Variants in SYN3 observed in about 807,000 individuals in gnomAD.
SYN3 encodes synapsin III.
In SYN3, 35 loss-of-function variants were observed where a neutral mutation model predicts 65.8. That is an observed-to-expected ratio of 0.53 (90% CI 0.41 to 0.70). The LOEUF (loss-of-function observed/expected upper bound fraction) is 0.70, where lower values mean the gene tolerates loss of function less well. Ranked by LOEUF, SYN3 falls within the 30% of genes least tolerant of loss-of-function variation. The probability of loss-of-function intolerance (pLI) is 0.00; values close to 1 mark genes in which losing one functional copy is unlikely to be tolerated. For missense variants in SYN3, 680 were observed against 749.0 expected (o/e 0.91, Z 1.08); for synonymous variants, 270 against 292.9 (o/e 0.92, Z 0.80).
chr22:32,962,324 C>T (rs1401637077), intron 3 of SYN3, among the ~76,000 whole-genome samples: 3 of 151,830 alleles, frequency 2.0e-5, no homozygotes, highest in South Asian at 2.1e-4. Flanking sequence ...TTAATAGAGA[C>T]GGGGTTTCAC....
At chr22:32,759,566 T>C (rs942224359) in intron 6 of SYN3, among the ~76,000 whole-genome samples, 2 of 152,030 alleles carry the variant, frequency 1.3e-5, no homozygotes, top group Non-Finnish European at 2.9e-5. Context: ...GACCCTTGTC[T>C]TGACAGAGCT....
intron 1 of SYN3, 71 bp from the exon 2 acceptor site, chr22:33,006,895 T>C (rs2053213743): frequency 2.5e-6 from 1 of 403,102 alleles, no homozygotes; most frequent in African/African-American, 2.0e-5. Flanking sequence ...GATACAGCGC[T>C]TTCCTGCCCC....
chr22:32,813,741 C>T lies in SYN3; in HGVS notation c.711+51174G>A, dbSNP rs1277163221. Among the ~76,000 whole-genome samples the T allele has an allele frequency of 2.6e-5, 4 of 151,880 alleles. No individual in the cohort carries two copies. In the East Asian group the frequency reaches 7.7e-4, roughly 29 times the overall value. ...GAGCACAGGTTCTGGAGTTAGACCA[C>T]TTGGCTCAAACCTTGGCCTCGTTCA... On this transcript the variant is annotated intron_variant, in intron 6 of 13. Transcript: ENST00000358763.
chr22:32,572,287 C>CCTT (rs2058773680), intron 7 of SYN3, among the ~76,000 whole-genome samples: 1 of 99,812 alleles, frequency 1.0e-5, no homozygotes, highest in East Asian at 3.2e-4. Flanking sequence ...CCCTCCCTCC[C>CCTT]TCCTTCCTTC....
intron 6 of SYN3, among the ~76,000 whole-genome samples, chr22:32,645,350 C>G (rs1431814375): frequency 6.6e-6 from 1 of 151,572 alleles, no homozygotes; most frequent in Non-Finnish European, 1.5e-5. Context: ...ACTTGGGAGG[C>G]TGAGGCAGGA....
chr22:33,040,200 G>A (rs768845868), intron 1 of SYN3, among the ~76,000 whole-genome samples: 3 of 151,868 alleles, frequency 2.0e-5, no homozygotes, highest in Non-Finnish European at 4.4e-5. Flanking sequence ...AGAGATCCAT[G>A]TTAGCCAGGA....
At chr22:32,854,587 T>C (rs900191403) in intron 6 of SYN3, among the ~76,000 whole-genome samples, 1 of 152,122 alleles carries the variant, frequency 6.6e-6, no homozygotes, top group Non-Finnish European at 1.5e-5. Flanking sequence ...GGGTAGGGGA[T>C]GTTCTTCGAA....
At chr22:32,866,790 T>C (rs2048699208) in intron 5 of SYN3, among the ~76,000 whole-genome samples, 1 of 152,132 alleles carries the variant, frequency 6.6e-6, no homozygotes, top group Non-Finnish European at 1.5e-5. Flanking sequence ...ACCAGGGCCA[T>C]GACAATAGTG....
At chr22:33,043,408 T>G (rs2054000002) in intron 1 of SYN3, among the ~76,000 whole-genome samples, 1 of 151,898 alleles carries the variant, frequency 6.6e-6, no homozygotes, top group African/African-American at 2.4e-5. Context: ...ATTAGCTGGG[T>G]GCGGTCACGG....
At chr22:32,585,996 ATATGTATGTATGTATACGTATATATG>A (rs1458374909) in intron 7 of SYN3, among the ~76,000 whole-genome samples, 12 of 81,590 alleles carry the variant, frequency 1.5e-4, no homozygotes, top group Admixed American at 2.7e-4. Flanking sequence ...GTATACGTAT[ATATGTATGTATGTATACGTATATATG>A]TATGTATGTA....
intron 6 of SYN3, among the ~76,000 whole-genome samples, chr22:32,778,108 A>G (rs1228445301): frequency 6.6e-6 from 1 of 152,224 alleles, no homozygotes; most frequent in Non-Finnish European, 1.5e-5. Context: ...CATTAGGATT[A>G]ATGGTTTGAT....
chr22:32,535,582 T>C (rs899289437), intron 9 of SYN3, among the ~76,000 whole-genome samples: 1 of 152,192 alleles, frequency 6.6e-6, no homozygotes, highest in African/African-American at 2.4e-5. Context: ...AGCTCTGCCC[T>C]GAGACACACT....
At chr22:32,819,838 G>A (rs2047186236) in intron 6 of SYN3, among the ~76,000 whole-genome samples, 2 of 152,184 alleles carry the variant, frequency 1.3e-5, no homozygotes, top group Admixed American at 1.3e-4. Flanking sequence ...CTTGCTACCT[G>A]TCCATAGTGT....
intron 6 of SYN3, among the ~76,000 whole-genome samples, chr22:32,621,007 C>T (rs1022297582): frequency 2.4e-4 from 36 of 152,190 alleles, no homozygotes; most frequent in African/African-American, 6.8e-4. Context: ...TGTGAGCCAC[C>T]GCACCTGACC....
intron 6 of SYN3, among the ~76,000 whole-genome samples, chr22:32,615,432 T>TAAAAAAAAAAAAAAAAAA (rs1190319833): frequency 2.8e-4 from 21 of 74,376 alleles, no homozygotes; most frequent in Non-Finnish European, 3.7e-4. Flanking sequence ...AGACTTCATC[T>TAAAAAAAAAAAAAAAAAA]AAAAAAAAAA....
At chr22:33,024,082 G>C (rs758529936) in intron 1 of SYN3, among the ~76,000 whole-genome samples, 2 of 152,132 alleles carry the variant, frequency 1.3e-5, no homozygotes, top group Non-Finnish European at 2.9e-5. Flanking sequence ...TCCACGGGCA[G>C]CAATGTCTGC....
intron 6 of SYN3, among the ~76,000 whole-genome samples, chr22:32,803,607 G>A (rs1159185788): frequency 1.3e-5 from 2 of 152,162 alleles, no homozygotes; most frequent in African/African-American, 2.4e-5. Flanking sequence ...AGACTGGGGA[G>A]GGTTTTCCTC....
chr22:32,684,601 T>C (rs2147126691), intron 6 of SYN3, among the ~76,000 whole-genome samples: 1 of 152,336 alleles, frequency 6.6e-6, no homozygotes, highest in East Asian at 1.9e-4. Flanking sequence ...ACAGAGCAAT[T>C]TCTTGCACTT....
In SYN3 at chr22:32,509,284, C is replaced by T. The variant is rs773166270; in HGVS notation, c.*4408G>A. On this transcript the variant is annotated 3_prime_UTR_variant, in exon 14 of 14. Transcript: ENST00000358763. ...GGTCTTTGTTGTGTTTCAGCTTCCC[C>T]GAGTCAGCTTGGAGGGAAAATGCTA... 3.3e-5 allele frequency among the ~76,000 whole-genome samples: 5 copies of T among 152,100 alleles called. No individual in the cohort carries two copies. Among genetic ancestry groups the T allele is most frequent in the Admixed American group, 1.3e-4 (2 of 15,270 alleles).
Sources: allele counts gnomAD v4.1 joint callset (sites outside exome capture counted in the v4.1 genomes callset), GRCh38; gene constraint gnomAD v4.1.1; transcripts MANE v1.5; gene names NCBI Gene and HGNC (gene_info 2026-07-23, HGNC 2026-07-21).